GNPTAB: variants seen among roughly 807,000 people sequenced by gnomAD.
The protein encoded by GNPTAB is N-acetylglucosamine-1-phosphotransferase subunits alpha/beta.
GNPTAB carries 92 observed loss-of-function variants against 136.6 expected under a neutral mutation model. That is an observed-to-expected ratio of 0.67 (90% CI 0.57 to 0.80). The LOEUF is 0.80. Ranked by LOEUF, GNPTAB falls within the 30% of genes least tolerant of loss-of-function variation. The pLI, the probability that GNPTAB is intolerant of heterozygous loss-of-function variation, is 0.00. For missense variants in GNPTAB, 1,343 were observed against 1,501.8 expected (o/e 0.89, Z 1.75); for synonymous variants, 512 against 535.1 (o/e 0.96, Z 0.60).
intron 1 of GNPTAB, among the ~76,000 whole-genome samples, chr12:101,827,124 T>A (rs1871128691): frequency 6.6e-6 from 1 of 151,796 alleles, no homozygotes; most frequent in Non-Finnish European, 1.5e-5. Flanking sequence ...CTAGCTAACT[T>A]TTTTTATTTA....
chr12:101,769,674 C>A (rs1039356635), intron 10 of GNPTAB, among the ~76,000 whole-genome samples: 10 of 152,156 alleles, frequency 6.6e-5, no homozygotes, highest in African/African-American at 2.2e-4. Context: ...CAGCTCACTG[C>A]AGCCTCAACA....
chr12:101,770,052 T>A lies in GNPTAB; in HGVS notation c.1253A>T (p.Asp418Val). The A allele has an allele frequency of 6.2e-7, 1 of 1,614,160 alleles. No individual in the cohort carries two copies. Among genetic ancestry groups the A allele is most frequent in the South Asian group, 1.1e-5 (1 of 91,082 alleles). Residue 418 changes from aspartate to valine, a missense_variant, in exon 10 of 21, where the codon GAT becomes GTT. Asp to Val is a radical substitution (Grantham distance 152). Transcript: ENST00000299314. ...DVMFGKDVWP[D>V]DFYSHSKGQK... ...GCCTTTGGAGTGACTGTAAAAATCA[T>A]CTGGCCAGACATCCTTCCCAAACAT...
Position 101,749,140 on chromosome 12 carries a change from T to C in GNPTAB, c.3654A>G (p.Thr1218=). The change falls in exon 20 of 21, where the codon ACA becomes ACG. Residue 1218 remains threonine (T), a synonymous_variant. Transcript: ENST00000299314. The part of the protein sequence containing the change: ...LKFWTHCVLA[T]LIMFTIFSFF... ...ATGAGAATATAGTAAACATAATCAA[T>C]GTTGCTAGTACACAATGGGTCCAAA... The C allele has an allele frequency of 6.2e-7, 1 of 1,612,730 alleles. No homozygotes were observed. Among genetic ancestry groups the C allele is most frequent in the African/African-American group, 1.3e-5 (1 of 75,018 alleles).
At chr12:101,779,893 T>C (rs139908311) in intron 7 of GNPTAB, 63 of 496,992 alleles carry the variant, frequency 1.3e-4, no homozygotes, top group Admixed American at 2.0e-4. Context: ...GGTTACTACT[T>C]GGATGGGAGA....
At chr12:101,811,108 C>G (rs913955599) in intron 1 of GNPTAB, among the ~76,000 whole-genome samples, 1 of 152,168 alleles carries the variant, frequency 6.6e-6, no homozygotes, top group African/African-American at 2.4e-5. Flanking sequence ...TGGAGCAGAG[C>G]CAACCAAGTC....
At chr12:101,817,265 CTT>C (rs71438444) in intron 1 of GNPTAB, among the ~76,000 whole-genome samples, 4,598 of 107,998 alleles carry the variant, frequency 0.043, 145 homozygotes, top group African/African-American at 0.16. Flanking sequence ...TATCATTCCA[CTT>C]TTTTTTTTTT....
chr12:101,768,045 T>C lies in GNPTAB; in HGVS notation c.1400A>G (p.Asp467Gly), dbSNP rs759374386. 8 of 1,614,016 alleles carry C rather than the reference T, an allele frequency of 5.0e-6. No individual in the cohort carries two copies. Among genetic ancestry groups the C allele is most frequent in the Non-Finnish European group, 6.8e-6 (8 of 1,180,002 alleles). The change falls in exon 11 of 21, where the codon GAT (aspartate) becomes GGT (glycine). Residue 467 changes from aspartate to glycine, a missense_variant. Coordinates refer to ENST00000299314, the MANE Select transcript of GNPTAB (RefSeq NM_024312.5). The stretch of plus-strand genomic sequence containing the variant: ...GTTTAACACATCCTTACCAGAGCAA[T>C]CCCCACCATCCCAATCGCAGGCTGA... ...NNSACDWDGGDCSGNSGGSRY... is the reference protein window; with the variant it reads ...NNSACDWDGGGCSGNSGGSRY...
At chr12:101,763,020 A>G (rs1478693181) in intron 13 of GNPTAB, among the ~76,000 whole-genome samples, 1 of 151,804 alleles carries the variant, frequency 6.6e-6, no homozygotes, top group African/African-American at 2.4e-5. Context: ...CAGGAGTTCG[A>G]GACCAGCCTG....
Position 101,771,146 on chromosome 12 carries a change from ATACAACTGCAACTAT to A in GNPTAB, c.772-4_782del. 6.2e-7 allele frequency: 1 copy of A among 1,613,616 alleles called. No homozygotes were observed. On this transcript the variant is annotated splice_acceptor_variant and splice_polypyrimidine_tract_variant and coding_sequence_variant and intron_variant, in exon 8 of 21. Coordinates refer to ENST00000299314, the MANE Select transcript of GNPTAB (RefSeq NM_024312.5). LOFTEE classifies it high-confidence loss of function. ...TTAGAAGCGCTACACTGGCCTCTGA[ATACAACTGCAACTAT>A]CAAATAACAAGAGGATTACACATGA...
At chr12:101,805,774 G>C (rs1054767674) in intron 1 of GNPTAB, among the ~76,000 whole-genome samples, 1 of 152,040 alleles carries the variant, frequency 6.6e-6, no homozygotes, top group Admixed American at 6.6e-5. Flanking sequence ...GTGTACCAAA[G>C]AAACAAACAA....
At chr12:101,790,821 C>T (rs971943243) in intron 2 of GNPTAB, among the ~76,000 whole-genome samples, 1 of 151,418 alleles carries the variant, frequency 6.6e-6, no homozygotes, top group East Asian at 1.9e-4. Context: ...AATGCTGTAG[C>T]CTTCTTGTGC....
chr12:101,772,213 G>A (rs962471540), intron 7 of GNPTAB, among the ~76,000 whole-genome samples: 2 of 152,212 alleles, frequency 1.3e-5, no homozygotes, highest in African/African-American at 2.4e-5. Flanking sequence ...CTCAGGAAAA[G>A]GGGAGAGGCC....
chr12:101,823,733 A>G (rs940128412), intron 1 of GNPTAB, among the ~76,000 whole-genome samples: 1 of 152,210 alleles, frequency 6.6e-6, no homozygotes, highest in African/African-American at 2.4e-5. Flanking sequence ...AAATCACCAT[A>G]TAAGTTAAAG....
intron 5 of GNPTAB, among the ~76,000 whole-genome samples, chr12:101,785,388 T>C (rs527554813): frequency 5.3e-5 from 8 of 152,088 alleles, no homozygotes; most frequent in Admixed American, 3.9e-4. Context: ...TTGGTTGCTG[T>C]TGTTGTTTTT....
At chr12:101,748,983 TAAGAC>T in intron 20 of GNPTAB, 113 bp downstream of exon 20, 1 of 704,944 alleles carries the variant, frequency 1.4e-6, no homozygotes, top group Non-Finnish European at 2.6e-6. Context: ...ATATGAGCTA[TAAGAC>T]AATAAGAGAA....
intron 7 of GNPTAB, chr12:101,773,722 C>T (rs560800155): frequency 2.6e-5 from 4 of 152,098 alleles, no homozygotes; most frequent in Non-Finnish European, 5.9e-5. Flanking sequence ...AGATTTTCTG[C>T]CACTGTAAAA....
intron 5 of GNPTAB, among the ~76,000 whole-genome samples, chr12:101,781,505 AAAAC>A (rs761719643): frequency 2.0e-5 from 3 of 152,092 alleles, no homozygotes; most frequent in East Asian, 1.9e-4. Flanking sequence ...GTCTCTACAA[AAAAC>A]AAACAAACAA....
rs1952725255 is a variant in GNPTAB at position 101,745,819 on chromosome 12, A to AG, written c.*1344dup. 6.6e-6 allele frequency: 1 copy of AG among 152,282 alleles called. No individual in the cohort carries two copies. The highest frequency in any genetic ancestry group is 2.4e-5 in the African/African-American group (1 of 41,458). 9.4% of individuals were successfully genotyped at this position (152,282 alleles called of 1,614,324 possible). A position where few individuals can be genotyped will look rare whatever the true frequency, so the allele number is the denominator to read the frequency against. ...GAGGCAGAGGCAGGTGGATCACCTG[A>AG]GGTCAGGAGTTCAAGATAAGCCTGA... is the stretch of plus-strand genomic sequence containing the variant. On this transcript the variant is annotated 3_prime_UTR_variant, in exon 21 of 21. Coordinates refer to ENST00000299314, the MANE Select transcript of GNPTAB (RefSeq NM_024312.5).
At chr12:101,755,706 C>T (rs1952891805) in intron 18 of GNPTAB, among the ~76,000 whole-genome samples, 1 of 152,192 alleles carries the variant, frequency 6.6e-6, no homozygotes, top group Non-Finnish European at 1.5e-5. Context: ...TCTAGTTTTC[C>T]ATGCCTGACT....
Sources: gnomAD v4.1 joint callset for allele counts (sites outside exome capture counted in the v4.1 genomes callset) on GRCh38, gnomAD v4.1.1 for gene constraint, MANE v1.5 for transcripts, NCBI Gene and HGNC (gene_info 2026-07-23, HGNC 2026-07-21) for gene names.